The following CSF2RA variants were observed in gnomAD, a reference collection of about 807,000 sequenced individuals.
CSF2RA encodes colony stimulating factor 2 receptor subunit alpha.
CSF2RA carries 42 observed loss-of-function variants against 51.6 expected under a neutral mutation model. That is an observed-to-expected ratio of 0.81 (90% CI 0.64 to 1.05). The LOEUF is 1.05. Among genes scored for constraint, CSF2RA ranks in the 50% least tolerant of loss-of-function variants. The probability of loss-of-function intolerance (pLI) is 0.00; values close to 1 mark genes in which losing one functional copy is unlikely to be tolerated. For missense variants in CSF2RA, 530 were observed against 501.1 expected, an observed-to-expected ratio of 1.06 and a Z score of -0.55; for synonymous variants, 222 against 193.0, an observed-to-expected ratio of 1.15 and a Z score of -1.24.
At chrX:1,275,607 G>A (rs73618025) in intron 2 of CSF2RA, among the ~76,000 whole-genome samples, 84,242 of 151,100 alleles carry the variant, frequency 0.56, 23,914 homozygotes, top group East Asian at 0.77. Flanking sequence ...CTGTTAGGCT[G>A]GAGTGCAGTG....
rs1346526302 is a variant in CSF2RA, at chrX:1,285,858, G to A, written c.157G>A (p.Glu53Lys). The A allele has an allele frequency of 6.2e-7, 1 of 1,613,896 alleles. No homozygotes were observed. The highest frequency in any genetic ancestry group is 8.5e-7 in the Non-Finnish European group (1 of 1,179,864). ...RTMNLSWDCQ[E>K]NTTFSKCFLT... ...GATGAATTTAAGCTGGGACTGCCAA[G>A]AAAACACAACCTTCAGCAAGTGTTT... Residue 53 changes from glutamate to lysine, a missense_variant, in exon 4 of 13, where the codon GAA (glutamate) becomes AAA (lysine). Physicochemically the swap from Glu to Lys is moderately conservative, Grantham distance 56. Coordinates refer to ENST00000381529, the MANE Select transcript of CSF2RA (RefSeq NM_172245.4).
the CSF2RA span, among the ~76,000 whole-genome samples, chrX:1,323,906 C>G: frequency 1.3e-5 from 2 of 151,186 alleles, no homozygotes; most frequent in African/African-American, 4.9e-5. Flanking sequence ...CCCAGCTACT[C>G]GGGAGGCTGA....
intron 8 of CSF2RA, 31 bp downstream of exon 8, chrX:1,294,492 A>C (rs1176201806): frequency 3.1e-6 from 5 of 1,610,684 alleles, no homozygotes; most frequent in Non-Finnish European, 4.2e-6. Flanking sequence ...GCTGGGCACC[A>C]GGAGGGAGGC....
At chrX:1,314,518 C>CAAAGGAAGAGCAATGCAGACAT (rs1569514911), downstream of CSF2RA, among the ~76,000 whole-genome samples, 1 of 110,642 alleles carries the variant, frequency 9.0e-6, no homozygotes, top group African/African-American at 3.6e-5. Context: ...CGCACTGCAC[C>CAAAGGAAGAGCAATGCAGACAT]TGCCCAATCC....
chrX:1,307,031 G>C (rs1177797200), intron 12 of CSF2RA, among the ~76,000 whole-genome samples: 1 of 151,600 alleles, frequency 6.6e-6, no homozygotes, highest in Non-Finnish European at 1.5e-5. Flanking sequence ...AGCCCAGAGA[G>C]GGTGAACAAG....
chrX:1,303,732 G>T (rs2083256086), intron 10 of CSF2RA, among the ~76,000 whole-genome samples, 191 bp from the exon 11 acceptor site: 1 of 152,094 alleles, frequency 6.6e-6, no homozygotes, highest in Non-Finnish European at 1.5e-5. Context: ...AAAACATAGG[G>T]CAGGCAGGTT....
chrX:1,322,984 C>T, the CSF2RA span, among the ~76,000 whole-genome samples: 1 of 151,424 alleles, frequency 6.6e-6, no homozygotes, highest in African/African-American at 2.4e-5. Flanking sequence ...AAAAAATTAG[C>T]CGGGCGTGGT....
chrX:1,319,103 C>G, the CSF2RA span, among the ~76,000 whole-genome samples: 1 of 141,818 alleles, frequency 7.1e-6, no homozygotes, highest in Non-Finnish European at 1.6e-5. Context: ...TCAAGCGATT[C>G]TCCTGCCTCA....
chrX:1,317,140 A>G, the CSF2RA span, among the ~76,000 whole-genome samples: 1 of 146,424 alleles, frequency 6.8e-6, no homozygotes, highest in Admixed American at 6.9e-5. Flanking sequence ...AGTAGAGACG[A>G]GGTTTCACCA....
At chrX:1,317,047 C>T in the CSF2RA span, among the ~76,000 whole-genome samples, 20 of 149,714 alleles carry the variant, frequency 1.3e-4, no homozygotes, top group East Asian at 9.9e-4. Context: ...CCCGGGTTCA[C>T]GCCATTCTCC....
intron 12 of CSF2RA, among the ~76,000 whole-genome samples, chrX:1,308,339 A>G (rs778270400): frequency 4.6e-5 from 7 of 152,122 alleles, no homozygotes; most frequent in Admixed American, 1.3e-4. Context: ...AGATGGAGAT[A>G]GAGACCCAGA....
intron 2 of CSF2RA, among the ~76,000 whole-genome samples, chrX:1,278,922 C>A (rs759402497): frequency 6.7e-6 from 1 of 150,146 alleles, no homozygotes; most frequent in South Asian, 2.1e-4. Flanking sequence ...CCTGTAGTCC[C>A]AGCTACTCGG....
intron 2 of CSF2RA, among the ~76,000 whole-genome samples, chrX:1,277,635 G>A (rs775143596): frequency 7.0e-6 from 1 of 143,678 alleles, no homozygotes; most frequent in African/African-American, 2.7e-5. Flanking sequence ...TGAGTCAGCA[G>A]TGCAAAGCCA....
At chrX:1,295,047 A>AGGAGAGACTGCCCCACCTCCATG (rs1221157229) in intron 8 of CSF2RA, among the ~76,000 whole-genome samples, 1 of 65,194 alleles carries the variant, frequency 1.5e-5, no homozygotes, top group African/African-American at 6.1e-5. Context: ...GTAGACAAGA[A>AGGAGAGACTGCCCCACCTCCATG]GAGACCCTGC....
chrX:1,314,629 A>C (rs1244307565), downstream of CSF2RA, among the ~76,000 whole-genome samples: 19 of 660 alleles, frequency 0.029, 4 homozygotes, highest in Admixed American at 0.1. Flanking sequence ...AACCACACTG[A>C]ACCTGCTCAA....
intron 2 of CSF2RA, among the ~76,000 whole-genome samples, chrX:1,279,022 G>GTT (rs2089560573): frequency 6.6e-6 from 1 of 151,390 alleles, no homozygotes; most frequent in African/African-American, 2.4e-5. Flanking sequence ...GGGCGACAGA[G>GTT]TGAGACTCCA....
At chrX:1,279,706 G>C (rs2089643058) in intron 2 of CSF2RA, among the ~76,000 whole-genome samples, 1 of 152,054 alleles carries the variant, frequency 6.6e-6, no homozygotes, top group Non-Finnish European at 1.5e-5. Context: ...AACAGGTGTG[G>C]CCTACATGCT....
intron 1 of CSF2RA, among the ~76,000 whole-genome samples, chrX:1,272,609 T>C (rs1346520771): frequency 4.0e-5 from 6 of 150,866 alleles, no homozygotes; most frequent in African/African-American, 1.5e-4. Context: ...TGCCTCAGCC[T>C]CCCGAGTAGC....
At chrX:1,273,093 T>G (rs1274093718) in intron 1 of CSF2RA, among the ~76,000 whole-genome samples, 1 of 151,762 alleles carries the variant, frequency 6.6e-6, no homozygotes, top group African/African-American at 2.4e-5. Flanking sequence ...GTGCTAGGAT[T>G]ATAGGCACCA....
Sources: gnomAD v4.1 joint callset for allele counts (sites outside exome capture counted in the v4.1 genomes callset) on GRCh38, gnomAD v4.1.1 for gene constraint, MANE v1.5 for transcripts, NCBI Gene and HGNC (gene_info 2026-07-23, HGNC 2026-07-21) for gene names.